The following CRIM1 variants were observed in gnomAD, a reference collection of about 807,000 sequenced individuals.
CRIM1 encodes the protein cysteine rich transmembrane BMP regulator 1.
In CRIM1, 32 loss-of-function variants were observed where a neutral mutation model predicts 116.4. The ratio of observed to expected loss-of-function variants is 0.27; its 90% CI spans 0.21 to 0.37. The LOEUF is 0.37. CRIM1 is among the 10% of genes least tolerant of loss of function. The probability of loss-of-function intolerance (pLI) is 1.00; values close to 1 mark genes in which losing one functional copy is unlikely to be tolerated. For missense variants in CRIM1, 1,331 were observed against 1,354.8 expected, an observed-to-expected ratio of 0.98 and a Z score of 0.28; for synonymous variants, 590 against 509.2, an observed-to-expected ratio of 1.16 and a Z score of -2.13.
At chr2:36,440,693 G>A (rs1675748682) in intron 2 of CRIM1, among the ~76,000 whole-genome samples, 1 of 152,144 alleles carries the variant, frequency 6.6e-6, no homozygotes, top group Admixed American at 6.5e-5. Flanking sequence ...AAATTACACG[G>A]GAATTTGGCT....
chr2:36,356,406 G>T lies in CRIM1; in HGVS notation c.114G>T (p.Leu38=), dbSNP rs377427153. 1.2e-6 allele frequency: 2 copies of T among 1,608,410 alleles called. No individual in the cohort carries two copies. The highest frequency in any genetic ancestry group is 1.3e-5 in the African/African-American group (1 of 74,860). The change falls in exon 1 of 17, where the codon CTG becomes CTT. Residue 38 remains leucine, a synonymous_variant. Coordinates refer to ENST00000280527, the MANE Select transcript of CRIM1 (RefSeq NM_016441.3). This position sits in a 1 kb window ranked among gnomAD's most constrained non-coding sequence, Gnocchi z 4.3. ...CCGGCACCCGGGCGCTGGTCTGCCT[G>T]CCCTGTGACGAGTCCAAGTGCGAGG... The part of the protein sequence containing the change: ...ARSGTRALVC[L]PCDESKCEEP...
At chr2:36,359,381 T>C (rs1669070863) in intron 1 of CRIM1, among the ~76,000 whole-genome samples, 1 of 152,232 alleles carries the variant, frequency 6.6e-6, no homozygotes, top group Non-Finnish European at 1.5e-5. Flanking sequence ...CTTGCAGTAA[T>C]TTTTAGCAGT....
In CRIM1 at chr2:36,396,711, C is replaced by A. The variant is rs769586748; in HGVS notation, c.429C>A (p.Asn143Lys). The A allele has an allele frequency of 6.2e-7, 1 of 1,613,688 alleles. No homozygotes were observed. Among genetic ancestry groups the A allele is most frequent in the South Asian group, 1.1e-5 (1 of 91,050 alleles). The change falls in exon 2 of 17, where the codon AAC (asparagine) becomes AAA (lysine). Residue 143 changes from asparagine (N) to lysine (K), a missense_variant. This residue lies in a region of CRIM1 where 690 missense variants were observed against 676.0 expected (regional missense o/e 1.02). Transcript: ENST00000280527. ...CNIINGKCEC[N>K]TIRTCSNPFE... ...TAATCAATGGGAAATGTGAATGTAA[C>A]ACCATTCGAACCTGCAGCAATCCCT... is the stretch of plus-strand genomic sequence containing the variant.
At chr2:36,384,101 G>A (rs1226774159) in intron 1 of CRIM1, among the ~76,000 whole-genome samples, 1 of 152,250 alleles carries the variant, frequency 6.6e-6, no homozygotes. Flanking sequence ...AACCACAGTG[G>A]TATCTGGTTT....
intron 2 of CRIM1, among the ~76,000 whole-genome samples, chr2:36,426,794 C>A (rs11682688): frequency 0.15 from 23,473 of 152,132 alleles, 2,460 homozygotes; most frequent in East Asian, 0.55. Context: ...TTCCCTATTC[C>A]AGACACATTT....
At chr2:36,547,227 C>T in intron 16 of CRIM1, 56 bp downstream of exon 16, 3 of 1,420,958 alleles carry the variant, frequency 2.1e-6, no homozygotes, top group Non-Finnish European at 2.9e-6. Context: ...AACTTACACT[C>T]ATATTGAAAT....
chr2:36,367,527 C>T (rs1041704808), intron 1 of CRIM1, among the ~76,000 whole-genome samples: 1 of 152,204 alleles, frequency 6.6e-6, no homozygotes, highest in African/African-American at 2.4e-5. Context: ...TAGTTACCTA[C>T]CTCAAGACAG....
At chr2:36,426,048 G>T (rs1008113297) in intron 2 of CRIM1, among the ~76,000 whole-genome samples, 1 of 152,184 alleles carries the variant, frequency 6.6e-6, no homozygotes, top group African/African-American at 2.4e-5. Flanking sequence ...TGTTTTCTTT[G>T]TGAAAGAAGG....
intron 2 of CRIM1, among the ~76,000 whole-genome samples, chr2:36,408,691 T>C (rs1298243114): frequency 6.6e-6 from 1 of 152,166 alleles, no homozygotes. Context: ...TGTCAGGCAA[T>C]TAAAACCTCG....
chr2:36,423,780 A>T (rs1037667368), intron 2 of CRIM1, among the ~76,000 whole-genome samples: 24 of 152,220 alleles, frequency 1.6e-4, no homozygotes, highest in African/African-American at 5.3e-4. Flanking sequence ...TGATAATCAG[A>T]ACTAATAATA....
intron 1 of CRIM1, among the ~76,000 whole-genome samples, chr2:36,389,030 C>T (rs3770943): frequency 0.21 from 32,396 of 152,176 alleles, 3,885 homozygotes; most frequent in South Asian, 0.33. Flanking sequence ...TGTGTCCACA[C>T]TTTAGTATTC....
Position 36,537,414 on chromosome 2 carries a change from C to A in CRIM1, c.2491C>A (p.Arg831=). 2 of 1,614,204 alleles carry A rather than the reference C, an allele frequency of 1.2e-6. No individual in the cohort carries two copies. The highest frequency in any genetic ancestry group is 1.7e-6 in the Non-Finnish European group (2 of 1,180,026). The change falls in exon 14 of 17, where the codon CGG becomes AGG. Residue 831 remains arginine, a synonymous_variant. Transcript: ENST00000280527. ...TGGGAAGGCCTATGCCGACGAGGAG[C>A]GGTGGGACCTTGACAGCTGCACCCA... ...FSGKAYADEE[R]WDLDSCTHCY...
chr2:36,523,094 A>G (rs1037834207), intron 13 of CRIM1, among the ~76,000 whole-genome samples: 3 of 151,956 alleles, frequency 2.0e-5, no homozygotes, highest in Non-Finnish European at 4.4e-5. Context: ...AGCTGGAATT[A>G]CAGGTGCCTG....
intron 4 of CRIM1, among the ~76,000 whole-genome samples, chr2:36,456,324 T>C (rs1677129973): frequency 2.0e-5 from 3 of 152,184 alleles, no homozygotes; most frequent in Non-Finnish European, 4.4e-5. Context: ...ACAAAATCAT[T>C]ACGTGTTCAT....
chr2:36,398,313 A>G (rs1410342806), intron 2 of CRIM1, among the ~76,000 whole-genome samples: 1 of 152,078 alleles, frequency 6.6e-6, no homozygotes, highest in African/African-American at 2.4e-5. Context: ...GCTCCTGAAC[A>G]TGCCCTCTTC....
intron 8 of CRIM1, among the ~76,000 whole-genome samples, chr2:36,507,928 CAGGGTGTTTTT>C (rs1213128026): frequency 2.0e-5 from 3 of 152,182 alleles, no homozygotes; most frequent in Non-Finnish European, 2.9e-5. Flanking sequence ...GGGAGGTTTT[CAGGGTGTTTTT>C]AATTCATCTG....
intron 2 of CRIM1, among the ~76,000 whole-genome samples, chr2:36,436,722 G>A (rs532052752): frequency 5.5e-4 from 84 of 152,196 alleles, no homozygotes; most frequent in African/African-American, 1.9e-3. Flanking sequence ...ACACACACGT[G>A]CTAAAAACCA....
At chr2:36,391,329 C>T (rs560826517) in intron 1 of CRIM1, among the ~76,000 whole-genome samples, 10 of 151,118 alleles carry the variant, frequency 6.6e-5, no homozygotes, top group South Asian at 6.3e-4. Flanking sequence ...GGGGTTTCAC[C>T]GTGTTAGCCA....
intron 2 of CRIM1, among the ~76,000 whole-genome samples, chr2:36,422,238 A>G (rs1357188533): frequency 1.3e-5 from 2 of 151,882 alleles, no homozygotes; most frequent in African/African-American, 2.4e-5. Context: ...TATATATTCA[A>G]TATAGTTAAT....
Sources: gnomAD v4.1 joint callset for allele counts (sites outside exome capture counted in the v4.1 genomes callset) on GRCh38, gnomAD v4.1.1 for gene constraint, gnomAD v4.1.1 regional missense constraint, Gnocchi (gnomAD v3.1) non-coding constraint, MANE v1.5 for transcripts, NCBI Gene and HGNC (gene_info 2026-07-23, HGNC 2026-07-21) for gene names.